FAT3: variants seen among roughly 807,000 people sequenced by gnomAD.
FAT3 encodes FAT atypical cadherin 3.
Under a neutral mutation model 310.2 loss-of-function variants are expected in FAT3, and 95 were observed. The ratio of observed to expected loss-of-function variants is 0.31; its 90% CI spans 0.26 to 0.36. The LOEUF (loss-of-function observed/expected upper bound fraction) is 0.36, where lower values mean the gene tolerates loss of function less well. FAT3 is among the 10% of genes least tolerant of loss of function. The pLI is 1.00. For synonymous variants in FAT3, 2,314 were observed against 2,192.9 expected, an observed-to-expected ratio of 1.06 and a Z score of -1.54; for missense variants, 5,408 against 5,715.6, an observed-to-expected ratio of 0.95 and a Z score of 1.74.
chr11:92,349,806 A>G (rs756665867), intron 1 of FAT3, among the ~76,000 whole-genome samples: 5 of 152,184 alleles, frequency 3.3e-5, no homozygotes, highest in Non-Finnish European at 5.9e-5. Context: ...TTTGCTGTCT[A>G]TTAATGCCTG....
intron 10 of FAT3, among the ~76,000 whole-genome samples, chr11:92,803,540 T>C (rs984076497): frequency 6.6e-6 from 1 of 152,172 alleles, no homozygotes; most frequent in Non-Finnish European, 1.5e-5. Context: ...GAAAGTGATA[T>C]CCCAGGGAGG....
intron 3 of FAT3, among the ~76,000 whole-genome samples, chr11:92,547,577 C>A (rs1472033687): frequency 2.0e-5 from 3 of 152,048 alleles, no homozygotes; most frequent in African/African-American, 7.3e-5. Flanking sequence ...CTCTGAGTAC[C>A]AGCACGAGGT....
intron 3 of FAT3, among the ~76,000 whole-genome samples, chr11:92,670,387 C>A (rs1943089824): frequency 6.6e-6 from 1 of 152,198 alleles, no homozygotes; most frequent in South Asian, 2.1e-4. Context: ...TCCAATTATA[C>A]AAAATCACTG....
At chr11:92,823,954 GAGC>G (rs1169158401) in intron 13 of FAT3, among the ~76,000 whole-genome samples, 1 of 152,132 alleles carries the variant, frequency 6.6e-6, no homozygotes, top group African/African-American at 2.4e-5. Flanking sequence ...GAGGAAAAAG[GAGC>G]CATTAATTTA....
chr11:92,571,424 C>T (rs773733370), intron 3 of FAT3, among the ~76,000 whole-genome samples: 1 of 152,226 alleles, frequency 6.6e-6, no homozygotes, highest in East Asian at 1.9e-4. Context: ...CTGCACCTCA[C>T]ACCCAACAGT....
intron 2 of FAT3, among the ~76,000 whole-genome samples, chr11:92,420,593 G>A (rs971552035): frequency 2.0e-5 from 3 of 151,996 alleles, no homozygotes; most frequent in African/African-American, 4.8e-5. Context: ...CTTGATGGGG[G>A]GGTTAAGAGT....
intron 2 of FAT3, among the ~76,000 whole-genome samples, chr11:92,392,097 G>C (rs753634915): frequency 6.6e-6 from 1 of 152,068 alleles, no homozygotes; most frequent in Admixed American, 6.6e-5. Context: ...TTTATCACAT[G>C]CAGTTCTGTG....
intron 4 of FAT3, among the ~76,000 whole-genome samples, chr11:92,744,382 T>G (rs1945593704): frequency 6.6e-6 from 1 of 152,152 alleles, no homozygotes; most frequent in Non-Finnish European, 1.5e-5. Flanking sequence ...TATCAAGACC[T>G]CAAACCAAGG....
At chr11:92,836,204 T>C (rs926236381) in intron 15 of FAT3, among the ~76,000 whole-genome samples, 5 of 152,176 alleles carry the variant, frequency 3.3e-5, no homozygotes, top group African/African-American at 4.8e-5. Flanking sequence ...AGAGAATCCC[T>C]CACTCAATGG....
chr11:92,692,277 G>A (rs1385058900), intron 3 of FAT3, among the ~76,000 whole-genome samples: 1 of 152,172 alleles, frequency 6.6e-6, no homozygotes, highest in East Asian at 1.9e-4. Context: ...AACATTGAGA[G>A]TTCTGGAAGA....
chr11:92,403,498 G>A (rs1950069527), intron 2 of FAT3: 1 of 152,208 alleles, frequency 6.6e-6, no homozygotes. Context: ...ATTGCAAAAT[G>A]TAAATGTGAT....
intron 6 of FAT3, among the ~76,000 whole-genome samples, chr11:92,769,874 C>A (rs1284047664): frequency 6.6e-6 from 1 of 152,142 alleles, no homozygotes; most frequent in Non-Finnish European, 1.5e-5. Flanking sequence ...CTTTCTTGAA[C>A]CTTGTCCCCA....
chr11:92,246,196 A>T (rs1002563126), intron 1 of FAT3, among the ~76,000 whole-genome samples: 2 of 152,022 alleles, frequency 1.3e-5, no homozygotes, highest in Non-Finnish European at 2.9e-5. Context: ...TTGGCAGTAA[A>T]GGAAAGGGGA....
intron 21 of FAT3, 139 bp downstream of exon 21, chr11:92,859,461 G>A (rs779668217): frequency 4.0e-5 from 34 of 857,524 alleles, no homozygotes; most frequent in African/African-American, 5.2e-5. Flanking sequence ...GGGGAGCAGC[G>A]GCAGAACTGG....
chr11:92,271,396 C>G (rs1946118535), intron 1 of FAT3, among the ~76,000 whole-genome samples: 1 of 152,146 alleles, frequency 6.6e-6, no homozygotes, highest in African/African-American at 2.4e-5. Context: ...TCACTCCCCT[C>G]CAAGCAGCCA....
intron 1 of FAT3, among the ~76,000 whole-genome samples, chr11:92,231,327 G>A (rs568600564): frequency 2.0e-5 from 3 of 152,260 alleles, no homozygotes; most frequent in African/African-American, 7.2e-5. Flanking sequence ...AAAAAAATTT[G>A]TAAAAAATGG....
chr11:92,397,821 C>T (rs181455620), intron 2 of FAT3, among the ~76,000 whole-genome samples: 1 of 151,498 alleles, frequency 6.6e-6, no homozygotes, highest in East Asian at 2.0e-4. Flanking sequence ...CAGTGACACT[C>T]TATTTGCCTG....
intron 3 of FAT3, among the ~76,000 whole-genome samples, chr11:92,619,399 C>T (rs1016122449): frequency 6.6e-6 from 1 of 152,082 alleles, no homozygotes; most frequent in Non-Finnish European, 1.5e-5. Context: ...GTTCTCTTCT[C>T]CCCTATATTT....
intron 22 of FAT3, among the ~76,000 whole-genome samples, chr11:92,880,065 T>A (rs1949638475): frequency 6.6e-6 from 1 of 151,854 alleles, no homozygotes; most frequent in Non-Finnish European, 1.5e-5. Context: ...CCACATCTGA[T>A]ATTTCATATT....
Sources: gnomAD v4.1 joint callset for allele counts (sites outside exome capture counted in the v4.1 genomes callset) on GRCh38, gnomAD v4.1.1 for gene constraint, MANE v1.5 for transcripts, NCBI Gene and HGNC (gene_info 2026-07-23, HGNC 2026-07-21) for gene names.